ADK: variants seen among roughly 807,000 people sequenced by gnomAD.
The protein encoded by ADK is adenosine kinase.
A neutral mutation model predicts 44.7 loss-of-function variants in ADK; 24 were observed. The observed-to-expected ratio is 0.54, with a 90% confidence interval of 0.39 to 0.76. ADK has a LOEUF of 0.76. Among genes scored for constraint, ADK ranks in the 30% least tolerant of loss-of-function variants. ADK has a pLI of 0.00. For synonymous variants in ADK, 128 were observed against 142.6 expected (o/e 0.90, Z 0.73); for missense variants, 321 against 425.1 (o/e 0.76, Z 2.15).
intron 9 of ADK, among the ~76,000 whole-genome samples, chr10:74,603,269 T>A (rs1267314102): frequency 2.0e-5 from 3 of 152,302 alleles, no homozygotes; most frequent in Non-Finnish European, 2.9e-5. Flanking sequence ...TATTTTTTTT[T>A]AATGATACTT....
At chr10:74,690,943 TGTA>T (rs1426276802) in intron 10 of ADK, among the ~76,000 whole-genome samples, 1 of 152,198 alleles carries the variant, frequency 6.6e-6, no homozygotes, top group Non-Finnish European at 1.5e-5. Flanking sequence ...ATAATAAAAA[TGTA>T]GTATAGAAGC....
At chr10:74,348,675 T>G (rs946505484) in intron 4 of ADK, among the ~76,000 whole-genome samples, 2 of 151,536 alleles carry the variant, frequency 1.3e-5, no homozygotes, top group Non-Finnish European at 2.9e-5. Flanking sequence ...TAAAAGGTTA[T>G]AGGAACTGCT....
intron 4 of ADK, among the ~76,000 whole-genome samples, chr10:74,371,082 A>G (rs552157689): frequency 2.0e-5 from 3 of 152,352 alleles, no homozygotes; most frequent in African/African-American, 4.8e-5. Context: ...GAAATCATTT[A>G]TAAGTATATA....
At chr10:74,218,385 A>G (rs1455925681) in intron 2 of ADK, among the ~76,000 whole-genome samples, 3 of 152,244 alleles carry the variant, frequency 2.0e-5, no homozygotes, top group African/African-American at 4.8e-5. Flanking sequence ...GACCAAATCT[A>G]CGTCTGATTG....
At chr10:74,638,878 C>T (rs143755016) in intron 9 of ADK, among the ~76,000 whole-genome samples, 128 of 152,184 alleles carry the variant, frequency 8.4e-4, no homozygotes, top group African/African-American at 2.9e-3. Context: ...AATTACAGCT[C>T]ACTGCAACCC....
rs1481431532 is a variant in ADK, at chr10:74,670,165, C to T, written c.878-18C>T. ...TACAAAGAGAAGTCATTCTGCCTTT[C>T]TTTGGCTCTAATTGCAGAAAGTGAA... On this transcript the variant is annotated intron_variant, in intron 9 of 10. Coordinates refer to ENST00000539909, the MANE Select transcript of ADK (RefSeq NM_006721.4). 12 of 1,607,564 alleles carry T rather than the reference C, an allele frequency of 7.5e-6. No individual in the cohort carries two copies. Among genetic ancestry groups the T allele is most frequent in the African/African-American group, 1.3e-5 (1 of 74,754 alleles).
chr10:74,277,732 ATTGT>A (rs1027721588), intron 3 of ADK, among the ~76,000 whole-genome samples: 2 of 151,834 alleles, frequency 1.3e-5, no homozygotes, highest in Non-Finnish European at 2.9e-5. Context: ...TGACCTGTTG[ATTGT>A]TTGGGAATTG....
chr10:74,224,750 TTACAC>T (rs1252035052), intron 3 of ADK, among the ~76,000 whole-genome samples, 159 bp downstream of exon 3: 1 of 152,198 alleles, frequency 6.6e-6, no homozygotes, highest in Non-Finnish European at 1.5e-5. Flanking sequence ...ACTATATAAT[TTACAC>T]TACATAAAGT....
chr10:74,449,866 A>C (rs993025402), intron 6 of ADK, among the ~76,000 whole-genome samples: 4 of 152,332 alleles, frequency 2.6e-5, no homozygotes, highest in Non-Finnish European at 5.9e-5. Flanking sequence ...ACAGTAATTG[A>C]AAAAGTTCAA....
intron 7 of ADK, among the ~76,000 whole-genome samples, chr10:74,575,651 G>C (rs953642309): frequency 5.3e-5 from 8 of 152,166 alleles, no homozygotes; most frequent in African/African-American, 1.9e-4. Context: ...TAAGGGAATA[G>C]TAAAAGATCT....
intron 10 of ADK, among the ~76,000 whole-genome samples, chr10:74,705,674 A>C (rs975117386): frequency 6.6e-6 from 1 of 152,248 alleles, no homozygotes; most frequent in Non-Finnish European, 1.5e-5. Context: ...AGAACGGATC[A>C]TATGATATGC....
chr10:74,284,890 A>G (rs1847099663), intron 3 of ADK, among the ~76,000 whole-genome samples: 1 of 152,258 alleles, frequency 6.6e-6, no homozygotes, highest in Admixed American at 6.5e-5. Context: ...CTCATTTTAC[A>G]ACTGTGTAAC....
chr10:74,542,091 A>C (rs1327383565), intron 7 of ADK, among the ~76,000 whole-genome samples: 1 of 151,722 alleles, frequency 6.6e-6, no homozygotes, highest in Non-Finnish European at 1.5e-5. Context: ...AAATATAAAA[A>C]TTAGCTGGGC....
intron 7 of ADK, among the ~76,000 whole-genome samples, chr10:74,556,547 G>A (rs1156680279): frequency 6.6e-6 from 1 of 152,160 alleles, no homozygotes; most frequent in Non-Finnish European, 1.5e-5. Flanking sequence ...GATTGTCTAT[G>A]GAATAGCAGT....
At chr10:74,433,165 G>A (rs949328999) in intron 6 of ADK, among the ~76,000 whole-genome samples, 3 of 152,158 alleles carry the variant, frequency 2.0e-5, no homozygotes, top group African/African-American at 7.2e-5. Context: ...TGCAAACAGT[G>A]TATCAGAAAT....
At chr10:74,470,204 T>C (rs1019641245) in intron 6 of ADK, among the ~76,000 whole-genome samples, 6 of 151,934 alleles carry the variant, frequency 3.9e-5, no homozygotes, top group African/African-American at 1.5e-4. Context: ...TTTATATCTT[T>C]AGTGGAGACA....
At chr10:74,665,773 GA>G (rs1854928477) in intron 9 of ADK, among the ~76,000 whole-genome samples, 1 of 133,460 alleles carries the variant, frequency 7.5e-6, no homozygotes, top group South Asian at 2.7e-4. Context: ...GAGAGAGAGA[GA>G]GAGAGAGACA....
Position 74,261,625 on chromosome 10 carries a change from T to G in ADK, c.194+37034T>G, listed in dbSNP as rs1170004320. Among the ~76,000 whole-genome samples, 8 of 152,354 alleles carry G rather than the reference T, an allele frequency of 5.3e-5. No homozygotes were observed. The East Asian group carries it at 1.5e-3, about 29-fold the overall frequency. On this transcript the variant is annotated intron_variant, in intron 3 of 10. Coordinates refer to ENST00000539909, the MANE Select transcript of ADK (RefSeq NM_006721.4). The stretch of plus-strand genomic sequence containing the variant: ...TTCTACCTTTACATAGGTTGGTATT[T>G]CAATTAAGTCTGGAAATGCAGATTG...
chr10:74,455,448 G>C (rs1845909971), intron 6 of ADK, among the ~76,000 whole-genome samples: 2 of 152,176 alleles, frequency 1.3e-5, no homozygotes, highest in African/African-American at 4.8e-5. Context: ...TGTCTGTAAA[G>C]GATTTTATAT....
Sources: allele counts gnomAD v4.1 joint callset (sites outside exome capture counted in the v4.1 genomes callset), GRCh38; gene constraint gnomAD v4.1.1; transcripts MANE v1.5; gene names NCBI Gene and HGNC (gene_info 2026-07-23, HGNC 2026-07-21).